Variants in CLSTN2 observed in about 807,000 individuals in gnomAD.
CLSTN2 encodes the protein calsyntenin 2, also known as calsyntenin-2.
CLSTN2 carries 48 observed loss-of-function variants against 101.2 expected under a neutral mutation model. That is an observed-to-expected ratio of 0.47 (90% CI 0.38 to 0.60). The LOEUF (loss-of-function observed/expected upper bound fraction) is 0.60. CLSTN2 is among the 20% of genes least tolerant of loss of function. The pLI, the probability that CLSTN2 is intolerant of heterozygous loss-of-function variation, is 0.00. For synonymous variants in CLSTN2, 481 were observed against 463.6 expected, an observed-to-expected ratio of 1.04 and a Z score of -0.48; for missense variants, 1,160 against 1,238.2, an observed-to-expected ratio of 0.94 and a Z score of 0.95.
At chr3:140,465,956 C>G (rs79515176) in intron 7 of CLSTN2, among the ~76,000 whole-genome samples, 1 of 152,116 alleles carries the variant, frequency 6.6e-6, no homozygotes, top group South Asian at 2.1e-4. Flanking sequence ...ATCCATGACA[C>G]GAAATTTTCT....
At chr3:140,215,761 C>T (rs1390108296) in intron 2 of CLSTN2, among the ~76,000 whole-genome samples, 1 of 152,186 alleles carries the variant, frequency 6.6e-6, no homozygotes, top group Non-Finnish European at 1.5e-5. Flanking sequence ...ATAGTGCCAC[C>T]TTTCAAACCG....
At chr3:140,198,057 A>G (rs2010668219) in intron 2 of CLSTN2, among the ~76,000 whole-genome samples, 1 of 152,172 alleles carries the variant, frequency 6.6e-6, no homozygotes, top group African/African-American at 2.4e-5. Flanking sequence ...TTCAAGCAAA[A>G]GCAATGGAAA....
intron 1 of CLSTN2, among the ~76,000 whole-genome samples, chr3:140,135,140 ATATATATATATATATATATAT>A (rs2009595202): frequency 7.9e-6 from 1 of 126,136 alleles, no homozygotes; most frequent in African/African-American, 3.9e-5. Flanking sequence ...ATATATATAT[ATATATATATATATATATATAT>A]AAAATATGCT....
intron 8 of CLSTN2, among the ~76,000 whole-genome samples, chr3:140,478,699 A>G (rs1259709382): frequency 6.6e-6 from 1 of 152,114 alleles, no homozygotes; most frequent in African/African-American, 2.4e-5. Context: ...CCACTGAATT[A>G]TACACTTACA....
In CLSTN2 at chr3:140,291,750, C is replaced by T. The variant is rs181790396; in HGVS notation, c.233-111879C>T. ...TCCAATGCCAAAAGGAGAACTTTGC[C>T]GCCTCCTCACACCTCAAATGATTGT... On this transcript the variant is annotated intron_variant, in intron 2 of 16. Transcript: ENST00000458420. Among the ~76,000 whole-genome samples the T allele has an allele frequency of 8.5e-4, 129 of 151,838 alleles. 1 individual carries two copies. Among genetic ancestry groups the T allele is most frequent in the Admixed American group, 3.4e-3 (51 of 15,220 alleles).
chr3:140,114,421 C>G (rs1352495898), intron 1 of CLSTN2, among the ~76,000 whole-genome samples: 1 of 152,140 alleles, frequency 6.6e-6, no homozygotes, highest in African/African-American at 2.4e-5. Context: ...TGTCCTCTGT[C>G]TTCTATTTGT....
chr3:140,124,619 G>A (rs1560102223), intron 1 of CLSTN2, among the ~76,000 whole-genome samples: 1 of 152,170 alleles, frequency 6.6e-6, no homozygotes, highest in East Asian at 1.9e-4. Context: ...GCCAATAACC[G>A]GGATGGAGAA....
chr3:140,550,970 T>G (rs1023506184), intron 10 of CLSTN2, among the ~76,000 whole-genome samples: 1 of 151,884 alleles, frequency 6.6e-6, no homozygotes, highest in Non-Finnish European at 1.5e-5. Context: ...GCCCAATTTA[T>G]GGAGCACCCA....
intron 2 of CLSTN2, among the ~76,000 whole-genome samples, chr3:140,387,079 G>A (rs2107968144): frequency 6.6e-6 from 1 of 152,320 alleles, no homozygotes; most frequent in African/African-American, 2.4e-5. Context: ...GGGCTGTGAA[G>A]TCAGGGAGAT....
intron 2 of CLSTN2, among the ~76,000 whole-genome samples, chr3:140,196,027 G>A (rs1304917666): frequency 2.0e-5 from 3 of 152,192 alleles, no homozygotes; most frequent in Non-Finnish European, 4.4e-5. Flanking sequence ...AAATAGATGC[G>A]ATGATGGGCA....
At position 140,408,374 on chromosome 3, in the gene CLSTN2, C is replaced by T. The variant is rs146146959; in HGVS notation, c.637+3608C>T. On this transcript the variant is annotated intron_variant, in intron 4 of 16. Coordinates refer to ENST00000458420, the MANE Select transcript of CLSTN2 (RefSeq NM_022131.3). ...GGAGACATCTGGGAACAAAGAAGGGCGGGGCTATCAGTATCAGCCATGTCG... is the reference window on the plus strand; with the variant it reads ...GGAGACATCTGGGAACAAAGAAGGGTGGGGCTATCAGTATCAGCCATGTCG... Among the ~76,000 whole-genome samples, 511 of 152,216 alleles carry T rather than the reference C, an allele frequency of 3.4e-3. 3 individuals are homozygous for T. The highest frequency in any genetic ancestry group is 0.011 in the African/African-American group (467 of 41,524).
At chr3:140,503,935 C>T (rs896200920) in intron 8 of CLSTN2, among the ~76,000 whole-genome samples, 6 of 152,108 alleles carry the variant, frequency 3.9e-5, no homozygotes, top group Non-Finnish European at 5.9e-5. Flanking sequence ...GTGATGAGGA[C>T]CTTTGAGAGC....
rs145578294 is a variant in CLSTN2 at position 140,172,310 on chromosome 3, A to C, written c.110-3641A>C. On this transcript the variant is annotated intron_variant, in intron 1 of 16. Transcript: ENST00000458420. ...TAATGTTTTAGAAAGATCACTCTTGATACCAGTGTGCAGAATAGAATGGAG... is the reference window on the plus strand; with the variant it reads ...TAATGTTTTAGAAAGATCACTCTTGCTACCAGTGTGCAGAATAGAATGGAG... Among the ~76,000 whole-genome samples, 70 of 152,242 alleles carry C rather than the reference A, an allele frequency of 4.6e-4. No individual in the cohort carries two copies. The East Asian group carries it at 0.011, about 25-fold the overall frequency.
At chr3:140,562,385 T>C (rs912855860) in intron 13 of CLSTN2, 77 bp downstream of exon 13, 14 of 1,401,378 alleles carry the variant, frequency 1.0e-5, no homozygotes, top group African/African-American at 4.3e-5. Flanking sequence ...ATGAGTGAGA[T>C]TGCACCTGTG....
At chr3:140,006,715 T>A (rs2006965556) in intron 1 of CLSTN2, among the ~76,000 whole-genome samples, 1 of 152,214 alleles carries the variant, frequency 6.6e-6, no homozygotes, top group South Asian at 2.1e-4. Context: ...TTTTCCCATT[T>A]GTCAAATTAA....
intron 1 of CLSTN2, among the ~76,000 whole-genome samples, chr3:140,114,051 C>T (rs2009199302): frequency 6.6e-6 from 1 of 152,106 alleles, no homozygotes; most frequent in South Asian, 2.1e-4. Context: ...TCTGAGCAGA[C>T]ATGGATCCTT....
chr3:140,097,458 A>G (rs2008887784), intron 1 of CLSTN2, among the ~76,000 whole-genome samples: 1 of 152,210 alleles, frequency 6.6e-6, no homozygotes, highest in Admixed American at 6.5e-5. Context: ...ACAGCAGCCA[A>G]TATACTTCAG....
At chr3:140,554,062 T>G (rs914792945) in intron 10 of CLSTN2, among the ~76,000 whole-genome samples, 9 of 152,148 alleles carry the variant, frequency 5.9e-5, no homozygotes, top group Non-Finnish European at 1.5e-5. Flanking sequence ...AGAGTCCCTG[T>G]GCTCAGGGGC....
chr3:140,111,905 G>A (rs568095138), intron 1 of CLSTN2, among the ~76,000 whole-genome samples: 1 of 152,132 alleles, frequency 6.6e-6, no homozygotes, highest in Non-Finnish European at 1.5e-5. Flanking sequence ...ATGAAACTGA[G>A]GTTTACAAGA....
Sources: allele counts gnomAD v4.1 joint callset (sites outside exome capture counted in the v4.1 genomes callset), GRCh38; gene constraint gnomAD v4.1.1; transcripts MANE v1.5; gene names NCBI Gene and HGNC (gene_info 2026-07-23, HGNC 2026-07-21).